Variants in ATXN1 observed in about 807,000 individuals in gnomAD.
ATXN1 encodes the protein ataxin-1.
Under a neutral mutation model 56.4 loss-of-function variants are expected in ATXN1, and 8 were observed. The ratio of observed to expected loss-of-function variants is 0.14; its 90% CI spans 0.08 to 0.26. The LOEUF (loss-of-function observed/expected upper bound fraction) is 0.26, where lower values mean the gene tolerates loss of function less well. Among genes scored for constraint, ATXN1 ranks in the 10% least tolerant of loss-of-function variants. The pLI is 1.00. For missense variants in ATXN1, 987 were observed against 1,106.5 expected (o/e 0.89, Z 1.53); for synonymous variants, 514 against 494.6 (o/e 1.04, Z -0.52).
chr6:16,611,468 T>C (rs1322500751), intron 3 of ATXN1, among the ~76,000 whole-genome samples: 1 of 152,204 alleles, frequency 6.6e-6, no homozygotes, highest in Non-Finnish European at 1.5e-5. Context: ...CGTATCAACA[T>C]TGAAGACAGG....
intron 2 of ATXN1, among the ~76,000 whole-genome samples, chr6:16,683,483 A>G (rs1051935165): frequency 6.6e-6 from 1 of 152,240 alleles, no homozygotes; most frequent in South Asian, 2.1e-4. Flanking sequence ...AATATCCATA[A>G]GCCAGAGATG....
chr6:16,414,021 A>T (rs1758853681), intron 6 of ATXN1, among the ~76,000 whole-genome samples: 1 of 152,224 alleles, frequency 6.6e-6, no homozygotes, highest in African/African-American at 2.4e-5. Context: ...TGTAAAAGTG[A>T]TGCTTAATTT....
At chr6:16,399,513 G>C (rs79542015) in intron 6 of ATXN1, among the ~76,000 whole-genome samples, 1 of 152,114 alleles carries the variant, frequency 6.6e-6, no homozygotes, top group African/African-American at 2.4e-5. Context: ...AGAGTGTTGC[G>C]TTCCAAGCAT....
chr6:16,718,836 T>C (rs911918664), intron 2 of ATXN1, among the ~76,000 whole-genome samples: 1 of 152,340 alleles, frequency 6.6e-6, no homozygotes, highest in Admixed American at 6.5e-5. Context: ...AATGTATACA[T>C]GAAGACAACC....
rs1342979719 is a variant in ATXN1, at chr6:16,305,880, G to A, written c.*449C>T. 6.3e-6 allele frequency: 1 copy of A among 157,900 alleles called. No homozygotes were observed. Among genetic ancestry groups the A allele is most frequent in the Non-Finnish European group, 1.4e-5 (1 of 71,640 alleles). 9.8% of individuals were successfully genotyped at this position (157,900 alleles called of 1,614,324 possible). A position where few individuals can be genotyped will look rare whatever the true frequency, so the allele number is the denominator to read the frequency against. ...CGGCCCATGCCGATAGCAAGAGAGT[G>A]AGGCAGAGGGAGGCAGAGAAAAAGA... On this transcript the variant is annotated 3_prime_UTR_variant, in exon 8 of 8. Coordinates refer to ENST00000436367, the MANE Select transcript of ATXN1 (RefSeq NM_001128164.2).
At chr6:16,357,232 TTTTTATTTTA>T (rs143751686) in intron 6 of ATXN1, among the ~76,000 whole-genome samples, 8 of 147,096 alleles carry the variant, frequency 5.4e-5, no homozygotes, top group South Asian at 4.2e-4. Flanking sequence ...ATTTTATTAT[TTTTTATTTTA>T]TTTTATTTTA....
rs35083248 is a variant in ATXN1 at position 16,495,870 on chromosome 6, C to CA, written c.-298-9762dup. Reference sequence around the variant, plus strand: ...AGAGTGAGACTCTCTCTCTCTCTCTCAAAAAAAAAAAAAAAGTTATTATTG... The same window carrying CA: ...AGAGTGAGACTCTCTCTCTCTCTCTCAAAAAAAAAAAAAAAAGTTATTATTG... On this transcript the variant is annotated intron_variant, in intron 5 of 7. Coordinates refer to ENST00000436367, the MANE Select transcript of ATXN1 (RefSeq NM_001128164.2). Among the ~76,000 whole-genome samples, 439 of 106,692 alleles carry CA rather than the reference C, an allele frequency of 4.1e-3. 2 individuals carry two copies. The highest frequency in any genetic ancestry group is 0.028 in the Middle Eastern group (5 of 180). The allele number at this position is 106,692 out of a possible 152,430, so 70.0% of individuals were successfully genotyped here.
At chr6:16,715,302 C>T (rs1295237829) in intron 2 of ATXN1, among the ~76,000 whole-genome samples, 6 of 152,214 alleles carry the variant, frequency 3.9e-5, no homozygotes, top group African/African-American at 1.4e-4. Context: ...ATTATTTTAA[C>T]GTTAGAGATA....
chr6:16,550,665 C>T (rs1164516508), intron 4 of ATXN1, among the ~76,000 whole-genome samples: 2 of 152,132 alleles, frequency 1.3e-5, no homozygotes, highest in Non-Finnish European at 2.9e-5. Flanking sequence ...GTAAGTCAGC[C>T]ATGGACACAC....
chr6:16,538,225 G>C (rs541691442), intron 4 of ATXN1, among the ~76,000 whole-genome samples: 1 of 152,236 alleles, frequency 6.6e-6, no homozygotes, highest in Admixed American at 6.5e-5. Context: ...CCAATATCTG[G>C]GTTTAAATGA....
chr6:16,522,486 G>C (rs1761312144), intron 5 of ATXN1, 141 bp downstream of exon 5: 1 of 152,038 alleles, frequency 6.6e-6, no homozygotes, highest in South Asian at 2.1e-4. Context: ...GAGAGTCAAA[G>C]AATAGGAAAA....
chr6:16,486,826 C>T (rs895139274), intron 5 of ATXN1, among the ~76,000 whole-genome samples: 2 of 152,050 alleles, frequency 1.3e-5, no homozygotes, highest in African/African-American at 2.4e-5. Flanking sequence ...TGGTTTGCAG[C>T]GTTTCGTGCA....
chr6:16,457,225 G>GTTTT (rs1759894255), intron 6 of ATXN1, among the ~76,000 whole-genome samples: 1 of 152,070 alleles, frequency 6.6e-6, no homozygotes, highest in Non-Finnish European at 1.5e-5. Context: ...AAGGGTGCAG[G>GTTTT]TTTTTGAGAA....
At chr6:16,670,735 A>G (rs1419614712) in intron 2 of ATXN1, among the ~76,000 whole-genome samples, 1 of 152,238 alleles carries the variant, frequency 6.6e-6, no homozygotes, top group African/African-American at 2.4e-5. Flanking sequence ...CACTACTAGA[A>G]GTCAGGCTAA....
chr6:16,539,815 C>T (rs1761676605), intron 4 of ATXN1, among the ~76,000 whole-genome samples: 1 of 152,144 alleles, frequency 6.6e-6, no homozygotes, highest in Non-Finnish European at 1.5e-5. Context: ...ACAACATCAA[C>T]AAAGCCTTCT....
intron 4 of ATXN1, among the ~76,000 whole-genome samples, chr6:16,536,498 G>A (rs886746184): frequency 6.6e-6 from 1 of 152,170 alleles, no homozygotes; most frequent in Non-Finnish European, 1.5e-5. Context: ...CTAATAAAAT[G>A]TTGGGGGGAA....
intron 1 of ATXN1, 52 bp from the exon 2 acceptor site, chr6:16,753,399 T>C (rs1351153969): frequency 4.4e-6 from 2 of 453,980 alleles, no homozygotes; most frequent in African/African-American, 2.0e-5. Flanking sequence ...AAAAACAGAA[T>C]AGACTGCTTT....
At chr6:16,491,090 A>ATTTTTTTTTTTTTTTTT (rs35884389) in intron 5 of ATXN1, among the ~76,000 whole-genome samples, 1 of 78,310 alleles carries the variant, frequency 1.3e-5, no homozygotes, top group Non-Finnish European at 2.2e-5. Context: ...GGATCCCTGG[A>ATTTTTTTTTTTTTTTTT]TTTTTTTTTT....
intron 2 of ATXN1, among the ~76,000 whole-genome samples, chr6:16,747,397 A>C (rs1354461042): frequency 1.3e-5 from 2 of 152,178 alleles, no homozygotes; most frequent in African/African-American, 2.4e-5. Context: ...AACTCATCAG[A>C]AAATAAAGAG....
Sources: gnomAD v4.1 joint callset for allele counts (sites outside exome capture counted in the v4.1 genomes callset) on GRCh38, gnomAD v4.1.1 for gene constraint, MANE v1.5 for transcripts, NCBI Gene and HGNC (gene_info 2026-07-23, HGNC 2026-07-21) for gene names.